FER1L6: variants seen among roughly 807,000 people sequenced by gnomAD.
FER1L6 encodes fer-1 like family member 6.
FER1L6 carries 177 observed loss-of-function variants against 219.2 expected under a neutral mutation model. The ratio of observed to expected loss-of-function variants is 0.81; its 90% confidence interval spans 0.71 to 0.91. The LOEUF is 0.91. Among genes scored for constraint, FER1L6 ranks in the 40% least tolerant of loss-of-function variants. FER1L6 has a pLI of 0.00. For synonymous variants in FER1L6, 768 were observed against 824.3 expected (o/e 0.93, Z 1.17); for missense variants, 2,153 against 2,259.9 (o/e 0.95, Z 0.96).
At chr8:124,021,009 A>C (rs1301593922) in intron 16 of FER1L6, among the ~76,000 whole-genome samples, 1 of 152,170 alleles carries the variant, frequency 6.6e-6, no homozygotes, top group Non-Finnish European at 1.5e-5. Flanking sequence ...GCCTCCAGTC[A>C]TGGTGGAAGG....
intron 22 of FER1L6, chr8:124,058,732 C>G (rs563801965): frequency 1.1e-4 from 17 of 152,284 alleles, no homozygotes; most frequent in African/African-American, 4.1e-4. Flanking sequence ...CCCTTTAAAG[C>G]CTGGGGGGCT....
At chr8:123,965,363 G>A (rs1815489444) in intron 3 of FER1L6, among the ~76,000 whole-genome samples, 1 of 152,212 alleles carries the variant, frequency 6.6e-6, no homozygotes. Context: ...ATTTGCCACT[G>A]ATTTCAGCTT....
intron 18 of FER1L6, among the ~76,000 whole-genome samples, chr8:124,030,002 C>A (rs939650272): frequency 5.3e-5 from 8 of 152,160 alleles, no homozygotes; most frequent in Non-Finnish European, 1.0e-4. Context: ...GTTTTCCCAG[C>A]ACCATTTATT....
chr8:123,885,033 C>A (rs1454128698), intron 1 of FER1L6, among the ~76,000 whole-genome samples: 1 of 152,122 alleles, frequency 6.6e-6, no homozygotes, highest in Non-Finnish European at 1.5e-5. Context: ...AGGCCATGTG[C>A]AGATGGAGGC....
At chr8:124,085,686 G>A (rs951314771) in intron 33 of FER1L6, among the ~76,000 whole-genome samples, 5 of 152,192 alleles carry the variant, frequency 3.3e-5, no homozygotes, top group African/African-American at 9.6e-5. Flanking sequence ...GGAGAAGAAT[G>A]TGTATTCTGC....
chr8:123,958,166 A>C (rs1186144643), intron 2 of FER1L6, among the ~76,000 whole-genome samples: 1 of 152,184 alleles, frequency 6.6e-6, no homozygotes, highest in Non-Finnish European at 1.5e-5. Context: ...AGAATGTCTT[A>C]AGTGTCAGCC....
intron 11 of FER1L6, among the ~76,000 whole-genome samples, chr8:123,983,304 C>T (rs1816404396): frequency 6.6e-6 from 1 of 152,148 alleles, no homozygotes; most frequent in Admixed American, 6.6e-5. Context: ...ACCCCCATTA[C>T]CCCTCAAAGC....
At position 124,035,212 on chromosome 8, in the gene FER1L6, T is replaced by G. The variant is rs1422505110; in HGVS notation, c.2287-65T>G. On this transcript the variant is annotated intron_variant, in intron 18 of 40. Transcript: ENST00000522917. ...GTGTCTCCAGGAAGGACCTCTTTTC[T>G]CAAAAGGGGAGGCCTATAATTATCT... The G allele has an allele frequency of 2.0e-6, 3 of 1,524,616 alleles. No homozygotes were observed. The African/African-American group carries it at 4.1e-5, about 21-fold the overall frequency. 94.4% of individuals were successfully genotyped at this position (1,524,616 alleles called of 1,614,324 possible).
rs1047639829 is a variant in FER1L6 at position 124,111,588 on chromosome 8, A to AT, written c.5290-7251dup. On this transcript the variant is annotated intron_variant, in intron 39 of 40. Coordinates refer to ENST00000522917, the MANE Select transcript of FER1L6 (RefSeq NM_001039112.2). This position sits in a 1 kb window ranked among gnomAD's most constrained non-coding sequence, Gnocchi z 5.0. The stretch of plus-strand genomic sequence containing the variant: ...CAGCCCCAAGGGCTGCTAGTTGCTC[A>AT]TTTTTATGGTTATTTCTTGATGATA... Among the ~76,000 whole-genome samples the AT allele has an allele frequency of 6.6e-6, 1 of 152,180 alleles. No homozygotes were observed. Among genetic ancestry groups the AT allele is most frequent in the African/African-American group, 2.4e-5 (1 of 41,436 alleles).
chr8:124,029,708 G>A (rs1818874489), intron 18 of FER1L6, among the ~76,000 whole-genome samples: 1 of 152,138 alleles, frequency 6.6e-6, no homozygotes. Context: ...ATCCCATTCT[G>A]TAGATTGCCT....
intron 12 of FER1L6, among the ~76,000 whole-genome samples, chr8:123,993,381 G>C (rs1212887457): frequency 6.7e-6 from 1 of 149,190 alleles, no homozygotes; most frequent in Non-Finnish European, 1.5e-5. Flanking sequence ...GGCGGAGCTT[G>C]CAGTGAGCCG....
At chr8:124,079,598 C>T (rs967789426) in intron 32 of FER1L6, among the ~76,000 whole-genome samples, 21 of 152,136 alleles carry the variant, frequency 1.4e-4, no homozygotes, top group Non-Finnish European at 7.3e-5. Context: ...ATCAGGTCGT[C>T]ATTTTGGTGG....
intron 1 of FER1L6, among the ~76,000 whole-genome samples, chr8:123,919,544 T>G (rs1191947391): frequency 6.6e-6 from 1 of 152,220 alleles, no homozygotes; most frequent in Non-Finnish European, 1.5e-5. Context: ...AGGAGCCACC[T>G]CTGCTCATGG....
chr8:123,853,611 T>C lies in FER1L6; in HGVS notation c.-8+1426T>C, dbSNP rs1374360705. Among the ~76,000 whole-genome samples the C allele has an allele frequency of 6.6e-6, 1 of 151,742 alleles. No homozygotes were observed. The highest frequency in any genetic ancestry group is 2.4e-5 in the African/African-American group (1 of 41,244). ...GGGAGATTTTACAAGGGTGGATGAG[T>C]AGAGAAAAAGGGGTAGGTACGCCTC... is the stretch of plus-strand genomic sequence containing the variant. On this transcript the variant is annotated intron_variant, in intron 1 of 40. Coordinates refer to ENST00000522917, the MANE Select transcript of FER1L6 (RefSeq NM_001039112.2). The surrounding 1 kb of genome is among the most constrained non-coding windows in gnomAD (Gnocchi z 6.6).
chr8:123,967,543 G>A (rs1042670780), intron 5 of FER1L6, among the ~76,000 whole-genome samples: 7 of 152,136 alleles, frequency 4.6e-5, no homozygotes, highest in African/African-American at 1.7e-4. Context: ...TTTCCATGTC[G>A]CTAATTGCCT....
At chr8:124,078,425 C>T (rs562621791) in intron 32 of FER1L6, among the ~76,000 whole-genome samples, 4 of 152,314 alleles carry the variant, frequency 2.6e-5, no homozygotes, top group South Asian at 2.1e-4. Flanking sequence ...TAAACCAGCT[C>T]GACCTCCCCT....
chr8:124,055,376 A>G (rs999326289), intron 22 of FER1L6, among the ~76,000 whole-genome samples: 2 of 150,238 alleles, frequency 1.3e-5, no homozygotes, highest in African/African-American at 2.4e-5. Flanking sequence ...CCCTGTCTTG[A>G]AAAAAAAAAT....
At chr8:123,927,916 T>C (rs13260673) in intron 1 of FER1L6, among the ~76,000 whole-genome samples, 61,732 of 151,870 alleles carry the variant, frequency 0.41, 12,891 homozygotes, top group South Asian at 0.52. Context: ...TTTTCATGGC[T>C]TTTTTTTCTT....
At chr8:124,079,024 C>G (rs969969549) in intron 32 of FER1L6, among the ~76,000 whole-genome samples, 3 of 152,156 alleles carry the variant, frequency 2.0e-5, no homozygotes, top group Admixed American at 6.5e-5. Flanking sequence ...TGGTGATCTG[C>G]TGGCAATCCC....
Sources: allele counts gnomAD v4.1 joint callset (sites outside exome capture counted in the v4.1 genomes callset), GRCh38; gene constraint gnomAD v4.1.1; non-coding constraint Gnocchi (gnomAD v3.1); transcripts MANE v1.5; gene names NCBI Gene and HGNC (gene_info 2026-07-23, HGNC 2026-07-21).